MSI2: variants seen among roughly 807,000 people sequenced by gnomAD.
MSI2 encodes musashi RNA binding protein 2.
A neutral mutation model predicts 45.6 loss-of-function variants in MSI2; 17 were observed. The ratio of observed to expected loss-of-function variants is 0.37; its 90% confidence interval spans 0.26 to 0.56. The LOEUF is 0.56. Ranked by LOEUF, MSI2 falls within the 20% of genes least tolerant of loss-of-function variation. The probability of loss-of-function intolerance (pLI) is 0.77; values close to 1 mark genes in which losing one functional copy is unlikely to be tolerated. For missense variants in MSI2, 293 were observed against 444.2 expected (o/e 0.66, Z 3.06); for synonymous variants, 156 against 158.2 (o/e 0.99, Z 0.11).
chr17:57,654,099 G>C (rs1016754855), intron 11 of MSI2, among the ~76,000 whole-genome samples: 2 of 152,174 alleles, frequency 1.3e-5, no homozygotes, highest in Admixed American at 6.5e-5. Context: ...ACCAGCCTGG[G>C]TTAGCGCAAG....
intron 5 of MSI2, among the ~76,000 whole-genome samples, chr17:57,332,986 C>T (rs1382029292): frequency 6.6e-6 from 1 of 152,034 alleles, no homozygotes; most frequent in African/African-American, 2.4e-5. Context: ...GATCATGCCA[C>T]TGCACTCCAG....
chr17:57,615,224 C>G (rs1247716229), intron 8 of MSI2, among the ~76,000 whole-genome samples: 1 of 150,988 alleles, frequency 6.6e-6, no homozygotes, highest in Non-Finnish European at 1.5e-5. Context: ...ACCTCCCAGA[C>G]TCAGGTGATC....
chr17:57,348,981 GA>G (rs1220000160), intron 5 of MSI2, among the ~76,000 whole-genome samples: 3 of 152,212 alleles, frequency 2.0e-5, no homozygotes, highest in Non-Finnish European at 4.4e-5. Context: ...ATTGTGGACT[GA>G]AAAGCTTTAT....
At chr17:57,322,707 A>C (rs1364180053) in intron 5 of MSI2, among the ~76,000 whole-genome samples, 1 of 152,162 alleles carries the variant, frequency 6.6e-6, no homozygotes, top group African/African-American at 2.4e-5. Context: ...ACTAAGGGAC[A>C]AGTATTGGGT....
intron 5 of MSI2, among the ~76,000 whole-genome samples, chr17:57,379,345 T>G (rs185076758): frequency 1.3e-5 from 2 of 151,868 alleles, no homozygotes; most frequent in Admixed American, 1.3e-4. Flanking sequence ...CTGGGGGAGA[T>G]GTGGTCTCTC....
At chr17:57,459,041 G>T (rs1487308158) in intron 6 of MSI2, among the ~76,000 whole-genome samples, 2 of 152,232 alleles carry the variant, frequency 1.3e-5, no homozygotes, top group African/African-American at 4.8e-5. Context: ...GAGCTGGATG[G>T]ATGGGAGCTT....
chr17:57,346,235 C>T (rs780955660), intron 5 of MSI2, among the ~76,000 whole-genome samples: 7 of 151,988 alleles, frequency 4.6e-5, no homozygotes, highest in South Asian at 2.1e-4. Context: ...ACTTGTATTT[C>T]GTGAGAATTG....
chr17:57,608,433 C>T (rs1259973720), intron 8 of MSI2: 3 of 152,374 alleles, frequency 2.0e-5, no homozygotes, highest in Non-Finnish European at 4.4e-5. Flanking sequence ...GGAGGGCAGC[C>T]GAGGTTCCTG....
chr17:57,537,856 C>A (rs749573976), intron 7 of MSI2, among the ~76,000 whole-genome samples: 2 of 152,110 alleles, frequency 1.3e-5, no homozygotes, highest in Non-Finnish European at 2.9e-5. Context: ...AGTTTGGTAC[C>A]CAGGATGAGC....
intron 6 of MSI2, among the ~76,000 whole-genome samples, chr17:57,401,683 A>C (rs1014369006): frequency 6.6e-6 from 1 of 152,328 alleles, no homozygotes; most frequent in Middle Eastern, 3.4e-3. Flanking sequence ...TGGCAGGAGC[A>C]GACAGAGTGG....
intron 6 of MSI2, among the ~76,000 whole-genome samples, chr17:57,452,221 T>G (rs972442167): frequency 6.6e-6 from 1 of 152,224 alleles, no homozygotes; most frequent in East Asian, 1.9e-4. Flanking sequence ...GTTCTAGTCT[T>G]CTTTCCGGTG....
At chr17:57,356,121 C>T (rs768026545) in intron 5 of MSI2, among the ~76,000 whole-genome samples, 44 of 152,250 alleles carry the variant, frequency 2.9e-4, no homozygotes, top group Admixed American at 2.0e-4. Context: ...GTGATCTGCC[C>T]GCCTCAGCCT....
At chr17:57,340,794 C>G (rs922696804) in intron 5 of MSI2, among the ~76,000 whole-genome samples, 1 of 152,306 alleles carries the variant, frequency 6.6e-6, no homozygotes, top group Admixed American at 6.5e-5. Flanking sequence ...CAGGTACACT[C>G]TCTGCCGATT....
intron 7 of MSI2, among the ~76,000 whole-genome samples, chr17:57,583,219 G>A (rs575391166): frequency 9.2e-4 from 140 of 152,270 alleles, no homozygotes; most frequent in African/African-American, 3.3e-3. Flanking sequence ...AAGCCAGATC[G>A]CATAATCTAT....
chr17:57,477,483 A>G (rs1431810556), intron 6 of MSI2, among the ~76,000 whole-genome samples: 1 of 152,136 alleles, frequency 6.6e-6, no homozygotes, highest in African/African-American at 2.4e-5. Context: ...ACCGAAACCC[A>G]TGTCCTAGAA....
chr17:57,416,410 T>C (rs893484529), intron 6 of MSI2, among the ~76,000 whole-genome samples: 4 of 152,194 alleles, frequency 2.6e-5, no homozygotes, highest in Non-Finnish European at 5.9e-5. Flanking sequence ...TGACTTGAAT[T>C]AAAGGAGGCA....
chr17:57,272,240 C>T (rs1908441780), intron 5 of MSI2, among the ~76,000 whole-genome samples: 2 of 152,250 alleles, frequency 1.3e-5, no homozygotes, highest in South Asian at 2.1e-4. Context: ...CTAAAGAGGC[C>T]GTGAATGTTG....
intron 11 of MSI2, among the ~76,000 whole-genome samples, chr17:57,668,404 A>G (rs1912532525): frequency 6.6e-6 from 1 of 152,140 alleles, no homozygotes; most frequent in African/African-American, 2.4e-5. Flanking sequence ...AAAATAATTC[A>G]CAAGTGTTAA....
chr17:57,325,111 GTA>G (rs1200476866), intron 5 of MSI2, among the ~76,000 whole-genome samples: 1 of 152,134 alleles, frequency 6.6e-6, no homozygotes, highest in Non-Finnish European at 1.5e-5. Flanking sequence ...AGAAAATGTG[GTA>G]TATATGCACT....
Sources: allele counts gnomAD v4.1 joint callset (sites outside exome capture counted in the v4.1 genomes callset), GRCh38; gene constraint gnomAD v4.1.1; transcripts MANE v1.5; gene names NCBI Gene and HGNC (gene_info 2026-07-23, HGNC 2026-07-21).